Variants in KIF17 observed in about 807,000 individuals in gnomAD.
The protein encoded by KIF17 is kinesin-like protein KIF17.
Under a neutral mutation model 96.8 loss-of-function variants are expected in KIF17, and 80 were observed. That is an observed-to-expected ratio of 0.83 (90% confidence interval 0.69 to 1.00). The LOEUF (loss-of-function observed/expected upper bound fraction) is 1.00. Ranked by LOEUF, KIF17 falls within the 50% of genes least tolerant of loss-of-function variation. The pLI is 0.00. For synonymous variants in KIF17, 567 were observed against 587.5 expected (o/e 0.97, Z 0.51); for missense variants, 1,280 against 1,372.9 (o/e 0.93, Z 1.07).
At chr1:20,662,320 C>G (rs2053448098), downstream of KIF17, among the ~76,000 whole-genome samples, 1 of 152,176 alleles carries the variant, frequency 6.6e-6, no homozygotes, top group Non-Finnish European at 1.5e-5. Flanking sequence ...GTAAAAACTA[C>G]CACAAGCAGC....
intron 4 of KIF17, among the ~76,000 whole-genome samples, chr1:20,707,803 G>A (rs1005522084): frequency 1.1e-4 from 16 of 144,902 alleles, no homozygotes; most frequent in African/African-American, 3.8e-4. Flanking sequence ...GTGTGTGTGT[G>A]TGTGTGTGTG....
chr1:20,667,649 C>G (rs1352810521), intron 13 of KIF17, among the ~76,000 whole-genome samples: 1 of 152,194 alleles, frequency 6.6e-6, no homozygotes, highest in Non-Finnish European at 1.5e-5. Flanking sequence ...CAATGGCCAG[C>G]AGCCATCCTT....
In KIF17 at chr1:20,686,053, G is replaced by T. The variant is rs1437634271; in HGVS notation, c.2012C>A (p.Pro671His). The change falls in exon 9 of 15, where the codon CCC (proline) becomes CAC (histidine). Residue 671 changes from proline to histidine, a missense_variant. Transcript: ENST00000400463. Reference protein sequence around the residue: ...PEAEAADDFPPRPEVDLASEV... With the variant: ...PEAEAADDFPHRPEVDLASEV... ...GCCCGGGGAGGTACTCACAGGCCTG[G>T]GCGGGAAGTCATCAGCCGCCTCGGC... is the stretch of plus-strand genomic sequence containing the variant. 41 of 1,556,198 alleles carry T rather than the reference G, an allele frequency of 2.6e-5. No homozygotes were observed. Among genetic ancestry groups the T allele is most frequent in the Non-Finnish European group, 3.6e-5 (41 of 1,149,374 alleles).
chr1:20,689,665 T>G (rs2054004573), intron 7 of KIF17, among the ~76,000 whole-genome samples: 1 of 151,544 alleles, frequency 6.6e-6, no homozygotes, highest in Non-Finnish European at 1.5e-5. Flanking sequence ...CAAAGAAATT[T>G]TTTTTTAAAA....
In KIF17 at chr1:20,687,326, C is replaced by T. The variant is rs182165320; in HGVS notation, c.1938+62G>A. ...TGAACAGTGTGTGCACAGTGAGCTC[C>T]GGGCCCTGGGCAAGCTCTGCCTGCT... On this transcript the variant is annotated intron_variant, in intron 8 of 14. Coordinates refer to ENST00000400463, the MANE Select transcript of KIF17 (RefSeq NM_001122819.3). This position sits in a 1 kb window ranked among gnomAD's most constrained non-coding sequence, Gnocchi z 4.4. 577 of 1,571,568 alleles carry T rather than the reference C, an allele frequency of 3.7e-4. 8 individuals carry two copies. Among genetic ancestry groups the T allele is most frequent in the Admixed American group, 3.3e-5 (2 of 59,938 alleles).
At position 20,668,328 on chromosome 1, in the gene KIF17, G is replaced by A. The variant is rs577104510; in HGVS notation, c.2791-1997C>T. Among the ~76,000 whole-genome samples the A allele has an allele frequency of 6.6e-5, 10 of 152,062 alleles. No homozygotes were observed. The South Asian group carries it at 1.9e-3, about 28-fold the overall frequency. ...CCGTCTCAAAAAAAAAAAAAGAGGT[G>A]AAGACAGACACAGACCCTGACTGTT... On this transcript the variant is annotated intron_variant, in intron 13 of 14. Transcript: ENST00000400463.
At chr1:20,697,846 CA>C (rs2054168316) in intron 6 of KIF17, among the ~76,000 whole-genome samples, 1 of 152,210 alleles carries the variant, frequency 6.6e-6, no homozygotes, top group East Asian at 1.9e-4. Context: ...CGCTGCTTCC[CA>C]GGGGTGTTGG....
rs1324453257 is a variant in KIF17 at position 20,709,780 on chromosome 1, G to T, written c.529C>A (p.His177Asn). Residue 177 changes from histidine (H) to asparagine (N), a missense_variant, in exon 4 of 15, where the codon CAC (histidine) becomes AAC (asparagine). By Grantham distance (68) the His-to-Asn change is moderately conservative (BLOSUM62 1). Transcript: ENST00000400463. This position sits in a 1 kb window ranked among gnomAD's most constrained non-coding sequence, Gnocchi z 4.7. ...CACTGGGCCACGCTGTGCACCGTGT[G>T]CATGGACAGCCCCTTCACGTACACG... is the stretch of plus-strand genomic sequence containing the variant. ...KGVYVKGLSM[H>N]TVHSVAQCEH... is the part of the protein sequence containing the mutation. 6.2e-7 allele frequency: 1 copy of T among 1,614,050 alleles called. No homozygotes were observed. The highest frequency in any genetic ancestry group is 1.7e-5 in the Admixed American group (1 of 60,014).
chr1:20,713,565 G>T lies in KIF17; in HGVS notation c.379-10C>A, dbSNP rs553328681. The T allele has an allele frequency of 1.3e-6, 2 of 1,596,004 alleles. No homozygotes were observed. Among genetic ancestry groups the T allele is most frequent in the Non-Finnish European group, 1.7e-6 (2 of 1,165,776 alleles). ...TAGTGTTCTCTGCACACTGCAGGGA[G>T]TACACAGAAAGAACCTAGACCTCAG... On this transcript the variant is annotated splice_polypyrimidine_tract_variant and intron_variant, in intron 2 of 14. Transcript: ENST00000400463.
chr1:20,715,619 A>G lies in KIF17; in HGVS notation c.252T>C (p.Asn84=), dbSNP rs775155594. The G allele has an allele frequency of 1.9e-6, 3 of 1,613,270 alleles. No individual in the cohort carries two copies. The highest frequency in any genetic ancestry group is 1.1e-5 in the South Asian group (1 of 91,022). The change falls in exon 2 of 15, where the codon AAT becomes AAC. Residue 84 remains asparagine, a synonymous_variant. Coordinates refer to ENST00000400463, the MANE Select transcript of KIF17 (RefSeq NM_001122819.3). Reference sequence around the variant, plus strand: ...TCTGGCCGTAGGCAAAGATGGTGCCATTGTAGCCCTCAGTGACGCCCTGCA... The same window carrying G: ...TCTGGCCGTAGGCAAAGATGGTGCCGTTGTAGCCCTCAGTGACGCCCTGCA... ...PLVEGVTEGY[N]GTIFAYGQTG...
Position 20,690,195 on chromosome 1 carries a change from C to T in KIF17, c.1374G>A (p.Lys458=), listed in dbSNP as rs112930242. Residue 458 remains lysine (K), a synonymous_variant, in exon 7 of 15, where the codon AAG becomes AAA. Transcript: ENST00000400463. ...GGGGCAAGGGGTGCCCACCTGTCTC[C>T]TTCCGCAGGTTCTCCTCCAGCGTGG... ...RLSTLEENLR[K]ETEAVLQVGV... is the part of the protein sequence containing the mutation. The T allele has an allele frequency of 1.6e-3, 2,599 of 1,614,170 alleles. 38 individuals carry two copies. In the African/African-American group the frequency reaches 0.03, roughly 19 times the overall value.
In KIF17 at chr1:20,709,486, G is replaced by A. The variant is rs1211274712; in HGVS notation, c.670+153C>T. On this transcript the variant is annotated intron_variant, in intron 4 of 14. Transcript: ENST00000400463. This position sits in a 1 kb window ranked among gnomAD's most constrained non-coding sequence, Gnocchi z 4.7. ...GTTTATCCTGGGAACACGGGTCCCA[G>A]CATCCCAAGGGTCCTCTTGGGTTTC... 6.6e-6 allele frequency among the ~76,000 whole-genome samples: 1 copy of A among 152,198 alleles called. No homozygotes were observed. Among genetic ancestry groups the A allele is most frequent in the Admixed American group, 6.5e-5 (1 of 15,270 alleles).
At chr1:20,698,327 T>A in intron 6 of KIF17, 52 bp downstream of exon 6, 1 of 1,328,472 alleles carries the variant, frequency 7.5e-7, no homozygotes, top group Non-Finnish European at 1.1e-6. Context: ...CCCTTCCCGC[T>A]GGGCCCCACC....
Position 20,664,467 on chromosome 1 carries a change from A to C in KIF17, c.*117T>G. On this transcript the variant is annotated 3_prime_UTR_variant, in exon 15 of 15. Transcript: ENST00000400463. The stretch of plus-strand genomic sequence containing the variant: ...GAATGTGTCTTCCCAGGGCTGAGGG[A>C]GCCCTCAGGCCCCGGAGCGCTGTGT... The C allele has an allele frequency of 6.3e-7, 1 of 1,596,006 alleles. No homozygotes were observed.
intron 10 of KIF17, among the ~76,000 whole-genome samples, chr1:20,684,047 A>G (rs1047483251): frequency 1.3e-5 from 2 of 152,246 alleles, no homozygotes; most frequent in Non-Finnish European, 2.9e-5. Flanking sequence ...AGCTTCTCAC[A>G]CTGGGACTAC....
At chr1:20,666,898 A>C (rs1381314974) in intron 13 of KIF17, among the ~76,000 whole-genome samples, 6 of 152,108 alleles carry the variant, frequency 3.9e-5, no homozygotes, top group Non-Finnish European at 8.8e-5. Context: ...AGTGCCCTAT[A>C]CTACATCTGA....
chr1:20,670,508 G>GCTGAAGTCA lies in KIF17; in HGVS notation c.2723-29_2723-21dup, dbSNP rs1408262696. 2.5e-6 allele frequency: 4 copies of GCTGAAGTCA among 1,613,362 alleles called. No individual in the cohort carries two copies. Among genetic ancestry groups the GCTGAAGTCA allele is most frequent in the Non-Finnish European group, 1.7e-6 (2 of 1,179,618 alleles). On this transcript the variant is annotated intron_variant, in intron 12 of 14. Coordinates refer to ENST00000400463, the MANE Select transcript of KIF17 (RefSeq NM_001122819.3). ...TTGAAACTGCTATGAGAAAACAAAA[G>GCTGAAGTCA]CTGAAGTCACTGCTGCCTGGTGCAA...
chr1:20,690,949 A>G (rs1173248251), intron 6 of KIF17, among the ~76,000 whole-genome samples: 1 of 151,978 alleles, frequency 6.6e-6, no homozygotes, highest in Non-Finnish European at 1.5e-5. Context: ...GGCCTCCCAA[A>G]GTGCTGGGAT....
rs374159508 is a variant in KIF17, at chr1:20,704,518, C to T, written c.1052G>A (p.Arg351His). The change falls in exon 5 of 15, where the codon CGC (arginine) becomes CAC (histidine). Residue 351 changes from arginine (R) to histidine (H), a missense_variant. Physicochemically the swap from Arg to His is conservative, Grantham distance 29 (BLOSUM62 0). Transcript: ENST00000400463. This position sits in a 1 kb window ranked among gnomAD's most constrained non-coding sequence, Gnocchi z 6.8. ...CTTCTTGATCTCCTCCTGGTACTCG[C>T]GAAGCAGCGCATCCTTGGGGTCCTC... The part of the protein sequence containing the change: ...INEDPKDALL[R>H]EYQEEIKKLK... 11 of 1,614,092 alleles carry T rather than the reference C, an allele frequency of 6.8e-6. No homozygotes were observed. Among genetic ancestry groups the T allele is most frequent in the East Asian group, 4.5e-5 (2 of 44,898 alleles).
Sources: gnomAD v4.1 joint callset for allele counts (sites outside exome capture counted in the v4.1 genomes callset) on GRCh38, gnomAD v4.1.1 for gene constraint, Gnocchi (gnomAD v3.1) non-coding constraint, MANE v1.5 for transcripts, NCBI Gene and HGNC (gene_info 2026-07-23, HGNC 2026-07-21) for gene names.